The following AGMO variants were observed in gnomAD, a reference collection of about 807,000 sequenced individuals.
The protein encoded by AGMO is alkylglycerol monooxygenase, also known as glyceryl-ether monooxygenase.
In AGMO, 75 loss-of-function variants were observed where a neutral mutation model predicts 60.2. That is an observed-to-expected ratio of 1.25 (90% CI 1.03 to 1.51). AGMO has a LOEUF of 1.51. Among genes scored for constraint, AGMO ranks in the 40% most tolerant of loss-of-function variants. AGMO has a pLI of 0.00. For missense variants in AGMO, 763 were observed against 525.5 expected (o/e 1.45, Z -4.42); for synonymous variants, 261 against 177.1 (o/e 1.47, Z -3.76).
At chr7:15,531,620 C>A (rs1310150223) in intron 3 of AGMO, among the ~76,000 whole-genome samples, 2 of 120,044 alleles carry the variant, frequency 1.7e-5, no homozygotes, top group African/African-American at 6.4e-5. Context: ...TATGTATATT[C>A]TATATATATA....
the AGMO span, among the ~76,000 whole-genome samples, chr7:15,122,593 G>A: frequency 1.3e-5 from 2 of 152,002 alleles, no homozygotes; most frequent in African/African-American, 4.8e-5. Context: ...CCAGAAATCT[G>A]TCTTACTCCA....
chr7:15,305,583 T>C (rs1181277468), intron 12 of AGMO, among the ~76,000 whole-genome samples: 1 of 152,050 alleles, frequency 6.6e-6, no homozygotes, highest in Non-Finnish European at 1.5e-5. Flanking sequence ...TTTATAATTT[T>C]ACTCTGACAG....
rs138562838 is a variant in AGMO, at chr7:15,261,373, T to A, written c.1264-60014A>T. Among the ~76,000 whole-genome samples the A allele has an allele frequency of 7.1e-3, 1,081 of 152,074 alleles. 7 individuals carry two copies. The highest frequency in any genetic ancestry group is 0.022 in the African/African-American group (921 of 41,532). On this transcript the variant is annotated intron_variant, in intron 12 of 12. Coordinates refer to ENST00000342526, the MANE Select transcript of AGMO (RefSeq NM_001004320.2). ...AGATTATTCAATGCTACTATGAACATCTTTATGCACATAAACTGGAAATCC... is the reference window on the plus strand; with the variant it reads ...AGATTATTCAATGCTACTATGAACAACTTTATGCACATAAACTGGAAATCC...
In AGMO at chr7:15,506,558, C is replaced by T. The variant is rs1783517250; in HGVS notation, c.409+38214G>A. Among the ~76,000 whole-genome samples, 3 of 152,104 alleles carry T rather than the reference C, an allele frequency of 2.0e-5. No individual in the cohort carries two copies. In the South Asian group the frequency reaches 6.2e-4, roughly 32 times the overall value. On this transcript the variant is annotated intron_variant, in intron 3 of 12. Transcript: ENST00000342526. ...GTTTATGACTGTTTTTGTTTTGAAA[C>T]TCAATTCAGTATTTTCTTTTATATC...
chr7:15,285,611 T>C (rs934172622), intron 12 of AGMO, among the ~76,000 whole-genome samples: 1 of 152,080 alleles, frequency 6.6e-6, no homozygotes, highest in East Asian at 1.9e-4. Flanking sequence ...GGCCCTTGGA[T>C]TGGCAGAATC....
intron 5 of AGMO, among the ~76,000 whole-genome samples, chr7:15,412,462 T>C (rs1350314010): frequency 6.6e-6 from 1 of 151,974 alleles, no homozygotes; most frequent in African/African-American, 2.4e-5. Context: ...AAGGGAGCCA[T>C]AATATCTGCA....
chr7:15,395,530 ATT>A (rs1270038677), intron 5 of AGMO, among the ~76,000 whole-genome samples: 1 of 152,172 alleles, frequency 6.6e-6, no homozygotes, highest in African/African-American at 2.4e-5. Flanking sequence ...TAGAAAATGC[ATT>A]TGTTTAGCGT....
At chr7:15,255,676 T>C (rs972727987) in intron 12 of AGMO, among the ~76,000 whole-genome samples, 2 of 152,214 alleles carry the variant, frequency 1.3e-5, no homozygotes, top group Admixed American at 1.3e-4. Flanking sequence ...GATCAAATTT[T>C]ATTCATCCCA....
At chr7:15,453,624 A>G (rs552952724) in intron 3 of AGMO, among the ~76,000 whole-genome samples, 42 of 152,338 alleles carry the variant, frequency 2.8e-4, no homozygotes, top group African/African-American at 9.6e-4. Flanking sequence ...AACTTATTTC[A>G]GGCAAAGGAA....
chr7:15,220,208 CTTTTTTTT>C (rs904364065), intron 12 of AGMO, among the ~76,000 whole-genome samples: 2 of 109,534 alleles, frequency 1.8e-5, no homozygotes, highest in African/African-American at 4.2e-5. Context: ...CTGACTGTGC[CTTTTTTTT>C]TTTTTTTTTT....
At chr7:15,251,261 T>C (rs977031249) in intron 12 of AGMO, among the ~76,000 whole-genome samples, 17 of 152,098 alleles carry the variant, frequency 1.1e-4, no homozygotes, top group South Asian at 2.1e-4. Context: ...GCCAATTAGA[T>C]ACCCTCCTAG....
chr7:15,497,915 A>C (rs1453042057), intron 3 of AGMO, among the ~76,000 whole-genome samples: 1 of 152,056 alleles, frequency 6.6e-6, no homozygotes, highest in Non-Finnish European at 1.5e-5. Flanking sequence ...TGCCTCAACA[A>C]AAAGAAATAT....
intron 12 of AGMO, among the ~76,000 whole-genome samples, chr7:15,338,672 G>A (rs1022906129): frequency 6.6e-6 from 1 of 152,024 alleles, no homozygotes; most frequent in Non-Finnish European, 1.5e-5. Flanking sequence ...AGGGAGGAAG[G>A]GCTGAAGGGC....
At chr7:15,525,576 C>T (rs901984762) in intron 3 of AGMO, among the ~76,000 whole-genome samples, 7 of 152,064 alleles carry the variant, frequency 4.6e-5, no homozygotes, top group Non-Finnish European at 1.0e-4. Flanking sequence ...AATTCTTCTC[C>T]GCCCTCTTCA....
chr7:15,394,098 A>G lies in AGMO; in HGVS notation c.676+15T>C, dbSNP rs747514990. 36 of 1,593,682 alleles carry G rather than the reference A, an allele frequency of 2.3e-5. No homozygotes were observed. The highest frequency in any genetic ancestry group is 2.9e-5 in the Non-Finnish European group (34 of 1,164,812). On this transcript the variant is annotated intron_variant, in intron 6 of 12. Coordinates refer to ENST00000342526, the MANE Select transcript of AGMO (RefSeq NM_001004320.2). ...GAGAAATGAAGAAAAGAGAGAAGAAACAAAACTTCCTTACCATGATGAACC... is the reference window on the plus strand; with the variant it reads ...GAGAAATGAAGAAAAGAGAGAAGAAGCAAAACTTCCTTACCATGATGAACC...
intron 3 of AGMO, among the ~76,000 whole-genome samples, chr7:15,457,646 TA>T (rs1782032398): frequency 6.6e-6 from 1 of 152,186 alleles, no homozygotes; most frequent in Admixed American, 6.5e-5. Flanking sequence ...TTGTCAAAAA[TA>T]AGATCCTACA....
At chr7:15,364,954 G>T (rs1402384105) in intron 12 of AGMO, among the ~76,000 whole-genome samples, 1 of 151,966 alleles carries the variant, frequency 6.6e-6, no homozygotes, top group African/African-American at 2.4e-5. Context: ...TTTAACAGCT[G>T]CCTAGATTCT....
At chr7:15,446,845 G>A (rs377666478) in intron 3 of AGMO, among the ~76,000 whole-genome samples, 5 of 152,220 alleles carry the variant, frequency 3.3e-5, no homozygotes, top group Admixed American at 6.5e-5. Context: ...TTGATGTCTG[G>A]TGTCACTGCT....
chr7:15,385,654 C>T (rs1016848155), intron 9 of AGMO, 92 bp from the exon 10 acceptor site: 6 of 735,388 alleles, frequency 8.2e-6, no homozygotes, highest in South Asian at 4.9e-5. Context: ...AAAGTATCTG[C>T]TATTTTTTTT....
Sources: gnomAD v4.1 joint callset for allele counts (sites outside exome capture counted in the v4.1 genomes callset) on GRCh38, gnomAD v4.1.1 for gene constraint, MANE v1.5 for transcripts, NCBI Gene and HGNC (gene_info 2026-07-23, HGNC 2026-07-21) for gene names.